The following KALRN variants were observed in gnomAD, a reference collection of about 807,000 sequenced individuals.
The protein encoded by KALRN is kalirin.
Under a neutral mutation model 353.7 loss-of-function variants are expected in KALRN, and 70 were observed. That is an observed-to-expected ratio of 0.20 (90% CI 0.16 to 0.24). The LOEUF is 0.24. KALRN is among the 10% of genes least tolerant of loss of function. The pLI, the probability that KALRN is intolerant of heterozygous loss-of-function variation, is 1.00. For synonymous variants in KALRN, 1,391 were observed against 1,434.8 expected, an observed-to-expected ratio of 0.97 and a Z score of 0.69; for missense variants, 2,791 against 3,756.7, an observed-to-expected ratio of 0.74 and a Z score of 6.72.
At chr3:124,048,328 T>C (rs1330867644) in intron 1 of KALRN, among the ~76,000 whole-genome samples, 1 of 152,248 alleles carries the variant, frequency 6.6e-6, no homozygotes, top group East Asian at 1.9e-4. Context: ...ATTCAACATA[T>C]ACATGCATGC....
chr3:124,247,597 T>C (rs1171577069), intron 3 of KALRN, among the ~76,000 whole-genome samples: 1 of 152,228 alleles, frequency 6.6e-6, no homozygotes, highest in Non-Finnish European at 1.5e-5. Context: ...TGCCTTCATC[T>C]TTGGTAGATC....
At chr3:124,484,605 G>A (rs2062350639) in intron 28 of KALRN, among the ~76,000 whole-genome samples, 1 of 152,166 alleles carries the variant, frequency 6.6e-6, no homozygotes, top group African/African-American at 2.4e-5. Context: ...TGAGATCTCA[G>A]GACAGGGGTG....
intron 1 of KALRN, among the ~76,000 whole-genome samples, chr3:124,143,496 T>C (rs2066892910): frequency 6.6e-6 from 1 of 152,206 alleles, no homozygotes; most frequent in Non-Finnish European, 1.5e-5. Context: ...GAATCCCAGC[T>C]CTGCAACTTG....
intron 1 of KALRN, among the ~76,000 whole-genome samples, chr3:124,060,279 T>C (rs932837372): frequency 6.6e-6 from 1 of 152,198 alleles, no homozygotes; most frequent in Non-Finnish European, 1.5e-5. Flanking sequence ...CAGATGCTCC[T>C]GGTCAGCATC....
At chr3:124,318,139 G>A (rs2078986464) in intron 6 of KALRN, among the ~76,000 whole-genome samples, 1 of 152,194 alleles carries the variant, frequency 6.6e-6, no homozygotes, top group South Asian at 2.1e-4. Flanking sequence ...CATTGCTATG[G>A]GCAAGCCAGG....
At chr3:124,708,382 A>G (rs996218302) in intron 57 of KALRN, among the ~76,000 whole-genome samples, 2 of 152,236 alleles carry the variant, frequency 1.3e-5, no homozygotes, top group Admixed American at 1.3e-4. Flanking sequence ...TGTAAGGTAA[A>G]GGTGAATACT....
intron 1 of KALRN, among the ~76,000 whole-genome samples, chr3:124,068,945 T>C (rs2042603821): frequency 1.3e-5 from 2 of 152,200 alleles, no homozygotes; most frequent in Admixed American, 6.5e-5. Context: ...AGTGCCTGCA[T>C]TGAGACTGAA....
At chr3:124,479,866 G>A (rs964855390) in intron 27 of KALRN, among the ~76,000 whole-genome samples, 3 of 151,892 alleles carry the variant, frequency 2.0e-5, no homozygotes, top group Non-Finnish European at 4.4e-5. Context: ...TGGGACTACA[G>A]GCACCCACCA....
chr3:124,380,219 G>A (rs906584928), intron 10 of KALRN, among the ~76,000 whole-genome samples: 3 of 152,232 alleles, frequency 2.0e-5, no homozygotes, highest in South Asian at 2.1e-4. Flanking sequence ...CTGCTTCTCC[G>A]CCTCAGCCCA....
At chr3:124,037,270 G>T (rs2149054098) in intron 1 of KALRN, among the ~76,000 whole-genome samples, 2 of 152,366 alleles carry the variant, frequency 1.3e-5, no homozygotes, top group Middle Eastern at 3.4e-3. Context: ...AAGCGTTGTG[G>T]TGCTATAAGT....
At position 124,350,334 on chromosome 3, in the gene KALRN, G is replaced by T. The variant is rs12486561; in HGVS notation, c.1770+3069G>T. On this transcript the variant is annotated intron_variant, in intron 10 of 59. Coordinates refer to ENST00000682506, the MANE Select transcript of KALRN (RefSeq NM_001388419.1). The stretch of plus-strand genomic sequence containing the variant: ...CTAAAGAAAGAATGGACACATTTTT[G>T]AGAGCTTATGTTTCCATTATATATC... Among the ~76,000 whole-genome samples the T allele has an allele frequency of 0.011, 1,712 of 152,276 alleles. 60 individuals are homozygous for T. The East Asian group carries it at 0.13, about 11-fold the overall frequency.
At chr3:124,193,301 G>A (rs991107984) in intron 1 of KALRN, among the ~76,000 whole-genome samples, 6 of 152,034 alleles carry the variant, frequency 3.9e-5, no homozygotes, top group African/African-American at 1.2e-4. Context: ...ACATTTTTAT[G>A]GGTGAAGAAA....
At chr3:124,587,839 T>A (rs1256912718) in intron 34 of KALRN, among the ~76,000 whole-genome samples, 2 of 151,058 alleles carry the variant, frequency 1.3e-5, no homozygotes, top group African/African-American at 4.9e-5. Flanking sequence ...GGACCATAGG[T>A]GCATGCCACT....
rs752836869 is a variant in KALRN at position 124,234,929 on chromosome 3, G to A, written c.249G>A (p.Leu83=). 1.2e-6 allele frequency: 2 copies of A among 1,601,762 alleles called. No homozygotes were observed. Among genetic ancestry groups the A allele is most frequent in the East Asian group, 4.5e-5 (2 of 44,354 alleles). ...QEDLRKLVTY[L]ASVPSEDVCK... is the part of the protein sequence containing the mutation. Reference sequence around the variant, plus strand: ...ACCTGCGGAAACTCGTGACGTATTTGGCCAGCGTGCCAAGGTAAGGGGAAG... The same window carrying A: ...ACCTGCGGAAACTCGTGACGTATTTAGCCAGCGTGCCAAGGTAAGGGGAAG... Residue 83 remains leucine, a synonymous_variant, in exon 3 of 60, where the codon TTG becomes TTA. Transcript: ENST00000682506.
chr3:124,387,459 A>C (rs1166515512), intron 11 of KALRN, among the ~76,000 whole-genome samples: 2 of 152,220 alleles, frequency 1.3e-5, no homozygotes, highest in African/African-American at 4.8e-5. Flanking sequence ...CAAATGGGAA[A>C]ACCAAAGTTC....
At chr3:124,634,285 A>G (rs867227902) in intron 36 of KALRN, among the ~76,000 whole-genome samples, 12 of 152,128 alleles carry the variant, frequency 7.9e-5, no homozygotes, top group African/African-American at 1.7e-4. Flanking sequence ...GTCCACAACC[A>G]TTTTGTCGTA....
chr3:124,390,540 A>G (rs1292060417), intron 11 of KALRN, among the ~76,000 whole-genome samples: 1 of 152,160 alleles, frequency 6.6e-6, no homozygotes, highest in Non-Finnish European at 1.5e-5. Flanking sequence ...AAATAGCCTT[A>G]TCCTCTATTT....
At chr3:124,493,392 A>C (rs145031665) in intron 32 of KALRN, among the ~76,000 whole-genome samples, 109 of 152,274 alleles carry the variant, frequency 7.2e-4, no homozygotes, top group African/African-American at 2.6e-3. Context: ...TATGATAAGC[A>C]ACGTCATTGG....
chr3:124,706,778 C>T (rs1475028217), intron 57 of KALRN, among the ~76,000 whole-genome samples: 1 of 151,814 alleles, frequency 6.6e-6, no homozygotes, highest in African/African-American at 2.4e-5. Flanking sequence ...CCATGTTGGC[C>T]AGGCTGATCT....
Sources: gnomAD v4.1 joint callset for allele counts (sites outside exome capture counted in the v4.1 genomes callset) on GRCh38, gnomAD v4.1.1 for gene constraint, MANE v1.5 for transcripts, NCBI Gene and HGNC (gene_info 2026-07-23, HGNC 2026-07-21) for gene names.